Variants in SYT14 observed in about 807,000 individuals in gnomAD.
The protein encoded by SYT14 is synaptotagmin 14, also known as synaptotagmin-14.
A neutral mutation model predicts 74.2 loss-of-function variants in SYT14; 32 were observed. The observed-to-expected ratio is 0.43, with a 90% CI of 0.33 to 0.58. The LOEUF (loss-of-function observed/expected upper bound fraction) is 0.58, where lower values mean the gene tolerates loss of function less well. Among genes scored for constraint, SYT14 ranks in the 20% least tolerant of loss-of-function variants. The pLI is 0.05. For missense variants in SYT14, 791 were observed against 981.8 expected (o/e 0.81, Z 2.60); for synonymous variants, 298 against 337.7 (o/e 0.88, Z 1.29).
rs1183885685 is a variant in SYT14, at chr1:209,981,450, C to CTTTTTTTTTTTTTTTTTTTTTTTT, written c.-486+28713_-486+28714insTTTTTTTTTTTTTTTTTTTTTTTT. ...TTCTTTTTCTTTTTCTTTTTCTTTT[C>CTTTTTTTTTTTTTTTTTTTTTTTT]TTTTTTTTTTTTTTTTTTTGAGGCA... On this transcript the variant is annotated intron_variant, in intron 2 of 9. Transcript: ENST00000637265. Among the ~76,000 whole-genome samples, 61 of 99,082 alleles carry CTTTTTTTTTTTTTTTTTTTTTTTT rather than the reference C, an allele frequency of 6.2e-4. 1 individual carries two copies. The highest frequency in any genetic ancestry group is 8.9e-4 in the Non-Finnish European group (47 of 52,842). The allele number at this position is 99,082 out of a possible 152,430, so 65.0% of individuals were successfully genotyped here.
intron 2 of SYT14, among the ~76,000 whole-genome samples, chr1:210,003,086 T>C (rs2079930439): frequency 3.3e-5 from 5 of 152,208 alleles, no homozygotes. Flanking sequence ...CACATTTAGA[T>C]CTATAGTCTA....
intron 2 of SYT14, among the ~76,000 whole-genome samples, chr1:210,000,796 G>T (rs1277022154): frequency 6.6e-6 from 1 of 151,684 alleles, no homozygotes; most frequent in Non-Finnish European, 1.5e-5. Flanking sequence ...TGTATTTTTA[G>T]TAGAGACGGG....
At chr1:210,083,018 T>C (rs1251403965) in intron 5 of SYT14, among the ~76,000 whole-genome samples, 2 of 152,050 alleles carry the variant, frequency 1.3e-5, no homozygotes, top group African/African-American at 4.8e-5. Context: ...TTTCACTCAG[T>C]CACCCAAGCT....
chr1:210,153,643 G>C (rs2083211970), intron 7 of SYT14, among the ~76,000 whole-genome samples: 1 of 152,042 alleles, frequency 6.6e-6, no homozygotes, highest in Admixed American at 6.5e-5. Context: ...TTCATCTGTA[G>C]ATTTGTTCCT....
chr1:209,985,015 A>G (rs1016552978), intron 2 of SYT14, among the ~76,000 whole-genome samples: 11 of 152,200 alleles, frequency 7.2e-5, no homozygotes, highest in Admixed American at 3.9e-4. Flanking sequence ...ACATCTCAAC[A>G]TGAGATTTGG....
intron 5 of SYT14, among the ~76,000 whole-genome samples, chr1:210,055,668 A>G (rs1489028890): frequency 6.6e-6 from 1 of 151,854 alleles, no homozygotes; most frequent in Non-Finnish European, 1.5e-5. Flanking sequence ...AAAAAAATAC[A>G]AAGAATTAGC....
At chr1:210,094,952 G>A (rs2081943336) in intron 6 of SYT14, among the ~76,000 whole-genome samples, 1 of 151,876 alleles carries the variant, frequency 6.6e-6, no homozygotes, top group African/African-American at 2.4e-5. Context: ...CTATTGGGAG[G>A]TTACTCAATG....
chr1:210,135,592 CT>C (rs927243740), intron 7 of SYT14, among the ~76,000 whole-genome samples: 4 of 152,062 alleles, frequency 2.6e-5, no homozygotes, highest in African/African-American at 9.7e-5. Flanking sequence ...TATCAATTGA[CT>C]TTTTTTCCTT....
chr1:209,962,993 T>C (rs576895362), intron 2 of SYT14, among the ~76,000 whole-genome samples: 6 of 152,180 alleles, frequency 3.9e-5, no homozygotes, highest in African/African-American at 1.4e-4. Context: ...CTTCAGAAAT[T>C]TAAAGCCTGT....
At chr1:210,155,862 G>C (rs759274309) in exon 8 of SYT14, 2 of 1,614,074 alleles carry the variant, frequency 1.2e-6, no homozygotes, top group Non-Finnish European at 1.7e-6. Flanking sequence ...ATCAGCAGAA[G>C]TGATAAAAGG....
chr1:210,076,237 A>T (rs1278087321), intron 5 of SYT14, among the ~76,000 whole-genome samples: 3 of 152,182 alleles, frequency 2.0e-5, no homozygotes, highest in African/African-American at 7.2e-5. Context: ...TGGAACCCCA[A>T]AAAAGCTGAA....
At chr1:210,063,918 A>G (rs1389799999) in intron 5 of SYT14, among the ~76,000 whole-genome samples, 1 of 151,856 alleles carries the variant, frequency 6.6e-6, no homozygotes, top group Non-Finnish European at 1.5e-5. Flanking sequence ...ACAGCCTTCT[A>G]ATCTTTTAAA....
At chr1:210,079,311 A>G (rs1450396428) in intron 5 of SYT14, among the ~76,000 whole-genome samples, 3 of 152,098 alleles carry the variant, frequency 2.0e-5, no homozygotes, top group Non-Finnish European at 4.4e-5. Context: ...TCACCATCAC[A>G]CAATATAACA....
chr1:209,975,317 C>T (rs2079339988), intron 2 of SYT14, among the ~76,000 whole-genome samples: 1 of 152,152 alleles, frequency 6.6e-6, no homozygotes, highest in Non-Finnish European at 1.5e-5. Flanking sequence ...AGTTTTTGCC[C>T]ATTCAGTATG....
At chr1:209,997,031 C>T (rs371434867) in intron 2 of SYT14, among the ~76,000 whole-genome samples, 26 of 152,116 alleles carry the variant, frequency 1.7e-4, no homozygotes, top group African/African-American at 6.0e-4. Flanking sequence ...AAAGCTAGAA[C>T]CTTTCTCCTT....
intron 5 of SYT14, among the ~76,000 whole-genome samples, chr1:210,027,339 C>G (rs922924521): frequency 1.5e-4 from 23 of 151,416 alleles, no homozygotes; most frequent in African/African-American, 5.3e-4. Context: ...CACTTAAGCC[C>G]AGGAGTTTGA....
intron 5 of SYT14, among the ~76,000 whole-genome samples, chr1:210,023,603 A>G (rs1416453429): frequency 6.6e-6 from 1 of 152,152 alleles, no homozygotes; most frequent in Non-Finnish European, 1.5e-5. Flanking sequence ...CGGCCTCCCA[A>G]AGTGCTGGGA....
chr1:209,975,041 G>T (rs994456241), intron 2 of SYT14, among the ~76,000 whole-genome samples: 1 of 152,156 alleles, frequency 6.6e-6, no homozygotes, highest in Non-Finnish European at 1.5e-5. Flanking sequence ...AAGAATGCTT[G>T]TGATTTTTGC....
At chr1:209,965,814 A>C in intron 2 of SYT14, 3 of 412,584 alleles carry the variant, frequency 7.3e-6, no homozygotes, top group South Asian at 5.3e-5. Flanking sequence ...CTTTCTGTGA[A>C]ATGCCTTTAT....
Sources: gnomAD v4.1 joint callset for allele counts (sites outside exome capture counted in the v4.1 genomes callset) on GRCh38, gnomAD v4.1.1 for gene constraint, MANE v1.5 for transcripts, NCBI Gene and HGNC (gene_info 2026-07-23, HGNC 2026-07-21) for gene names.